CCDC102B: variants seen among roughly 807,000 people sequenced by gnomAD.
CCDC102B encodes the protein coiled-coil domain containing 102B.
CCDC102B carries 75 observed loss-of-function variants against 57.4 expected under a neutral mutation model. The ratio of observed to expected loss-of-function variants is 1.31; its 90% confidence interval spans 1.08 to 1.58. CCDC102B has a LOEUF of 1.58. Ranked by LOEUF, CCDC102B falls within the 40% of genes most tolerant of loss-of-function variation. CCDC102B has a pLI of 0.00. For synonymous variants in CCDC102B, 206 were observed against 201.9 expected (o/e 1.02, Z -0.17); for missense variants, 636 against 582.6 (o/e 1.09, Z -0.94).
intron 7 of CCDC102B, among the ~76,000 whole-genome samples, chr18:69,043,222 G>A (rs530656884): frequency 3.9e-5 from 6 of 152,120 alleles, no homozygotes; most frequent in Non-Finnish European, 8.8e-5. Flanking sequence ...CTGCCCACAT[G>A]TCCCACCTCC....
In CCDC102B at chr18:68,915,713, A is replaced by G. The variant is rs538578400; in HGVS notation, c.1263+18285A>G. ...CATTTTTGCATCAGCCTAATACCAT[A>G]TGAGGAATGCCTCTCTCATTATTTC... On this transcript the variant is annotated intron_variant, in intron 6 of 7. Transcript: ENST00000360242. Among the ~76,000 whole-genome samples the G allele has an allele frequency of 6.0e-4, 91 of 152,320 alleles. 2 individuals carry two copies. The South Asian group carries it at 0.018, about 31-fold the overall frequency.
In CCDC102B at chr18:68,718,061, A is replaced by C. The variant is rs561686162; in HGVS notation, c.-67+1467A>C. The C allele has an allele frequency of 4.6e-5, 7 of 150,716 alleles. No individual in the cohort carries two copies. In the South Asian group the frequency reaches 1.2e-3, roughly 27 times the overall value. 9.3% of individuals were successfully genotyped at this position (150,716 alleles called of 1,614,324 possible). On this transcript the variant is annotated intron_variant, in intron 2 of 3. Coordinates refer to the CCDC102B transcript ENST00000578970. ...TGGAAGCAGAGAGCAAACCCTTATCAGATACCACACCTGCTGACTCCTTTA... is the reference window on the plus strand; with the variant it reads ...TGGAAGCAGAGAGCAAACCCTTATCCGATACCACACCTGCTGACTCCTTTA...
At chr18:68,746,054 A>G (rs2033606317) in intron 2 of CCDC102B, among the ~76,000 whole-genome samples, 1 of 152,182 alleles carries the variant, frequency 6.6e-6, no homozygotes, top group African/African-American at 2.4e-5. Context: ...GATTCATCCA[A>G]CCACAGACAG....
intron 7 of CCDC102B, among the ~76,000 whole-genome samples, chr18:69,053,329 T>G: frequency 6.6e-6 from 1 of 151,308 alleles, no homozygotes; most frequent in East Asian, 1.9e-4. Context: ...TTCACATATA[T>G]ATATATATAC....
intron 4 of CCDC102B, among the ~76,000 whole-genome samples, chr18:68,865,663 T>C (rs2038947080): frequency 6.6e-6 from 1 of 152,174 alleles, no homozygotes; most frequent in Non-Finnish European, 1.5e-5. Context: ...CAGTATTATT[T>C]TGAAGCATTT....
intron 5 of CCDC102B, among the ~76,000 whole-genome samples, chr18:68,893,978 A>G (rs1486643430): frequency 6.6e-6 from 1 of 152,032 alleles, no homozygotes; most frequent in Non-Finnish European, 1.5e-5. Flanking sequence ...TGTGCTTGGT[A>G]CACTCTGGGT....
intron 2 of CCDC102B, among the ~76,000 whole-genome samples, chr18:68,776,166 C>T (rs2034808649): frequency 6.6e-6 from 1 of 151,890 alleles, no homozygotes; most frequent in Non-Finnish European, 1.5e-5. Context: ...CTGGGTTTTT[C>T]TTTGGCTTAT....
chr18:68,803,099 A>G (rs965133425), intron 1 of CCDC102B, among the ~76,000 whole-genome samples: 12 of 152,226 alleles, frequency 7.9e-5, no homozygotes, highest in Admixed American at 2.0e-4. Flanking sequence ...TATTAATTTT[A>G]AAAGCCTATA....
chr18:68,816,922 G>A (rs1413023058), intron 1 of CCDC102B, among the ~76,000 whole-genome samples: 3 of 152,118 alleles, frequency 2.0e-5, no homozygotes, highest in African/African-American at 7.2e-5. Flanking sequence ...AAATGTTTTT[G>A]TATTCAAGCT....
At chr18:68,917,798 A>G (rs2041129433) in intron 6 of CCDC102B, among the ~76,000 whole-genome samples, 1 of 152,088 alleles carries the variant, frequency 6.6e-6, no homozygotes, top group Non-Finnish European at 1.5e-5. Context: ...TGTTCTTTCT[A>G]TGTCTCTTTT....
intron 2 of CCDC102B, among the ~76,000 whole-genome samples, chr18:68,739,572 C>T (rs2033296450): frequency 6.6e-6 from 1 of 152,192 alleles, no homozygotes; most frequent in Non-Finnish European, 1.5e-5. Flanking sequence ...CAGATTATGG[C>T]AGGGTCCACC....
chr18:68,944,131 A>G (rs573762738), intron 6 of CCDC102B, among the ~76,000 whole-genome samples: 1 of 152,004 alleles, frequency 6.6e-6, no homozygotes, highest in African/African-American at 2.4e-5. Context: ...ACACAGGTTA[A>G]CTCCTTGAGG....
chr18:68,820,557 G>A (rs684164), intron 1 of CCDC102B, among the ~76,000 whole-genome samples: 74,135 of 151,960 alleles, frequency 0.49, 20,021 homozygotes, highest in Non-Finnish European at 0.64. Context: ...GTTGGCATGT[G>A]TTAACTCTTT....
chr18:68,790,286 T>C (rs2035391607), intron 2 of CCDC102B, among the ~76,000 whole-genome samples: 1 of 150,968 alleles, frequency 6.6e-6, no homozygotes, highest in Non-Finnish European at 1.5e-5. Flanking sequence ...TCTTTTTGTT[T>C]GTCTGTGCCC....
chr18:68,841,665 A>C (rs963511510), intron 3 of CCDC102B, among the ~76,000 whole-genome samples: 1 of 152,160 alleles, frequency 6.6e-6, no homozygotes, highest in East Asian at 1.9e-4. Context: ...ATCACTTGTA[A>C]AATGTTTGTT....
intron 7 of CCDC102B, among the ~76,000 whole-genome samples, chr18:69,023,205 G>A (rs559588926): frequency 1.3e-5 from 2 of 152,150 alleles, no homozygotes; most frequent in East Asian, 1.9e-4. Flanking sequence ...GTGATCTTGG[G>A]TTCATCATTT....
chr18:68,941,633 A>C (rs2049382978), intron 6 of CCDC102B, among the ~76,000 whole-genome samples: 1 of 152,154 alleles, frequency 6.6e-6, no homozygotes, highest in South Asian at 2.1e-4. Flanking sequence ...GTTTTAATTC[A>C]AATAAATGCC....
chr18:68,865,195 A>C (rs769109268), intron 4 of CCDC102B, among the ~76,000 whole-genome samples: 4 of 152,118 alleles, frequency 2.6e-5, no homozygotes, highest in Non-Finnish European at 5.9e-5. Flanking sequence ...TTGGCCTGAC[A>C]CATTTGTCAA....
intron 1 of CCDC102B, 42 bp from the exon 2 acceptor site, chr18:68,836,707 G>T: frequency 6.9e-7 from 1 of 1,441,306 alleles, no homozygotes. Context: ...GTATTTACAA[G>T]GGAAATTTCA....
Sources: allele counts gnomAD v4.1 joint callset (sites outside exome capture counted in the v4.1 genomes callset), GRCh38; gene constraint gnomAD v4.1.1; transcripts MANE v1.5; gene names NCBI Gene and HGNC (gene_info 2026-07-23, HGNC 2026-07-21).